Variants in SGCD observed in about 807,000 individuals in gnomAD.
SGCD encodes sarcoglycan delta, also known as delta-sarcoglycan.
SGCD carries 18 observed loss-of-function variants against 36.6 expected under a neutral mutation model. The observed-to-expected ratio is 0.49, with a 90% CI of 0.34 to 0.73. The LOEUF (loss-of-function observed/expected upper bound fraction) is 0.73, where lower values mean the gene tolerates loss of function less well. Among genes scored for constraint, SGCD ranks in the 30% least tolerant of loss-of-function variants. The pLI, the probability that SGCD is intolerant of heterozygous loss-of-function variation, is 0.01. For synonymous variants in SGCD, 133 were observed against 130.6 expected, an observed-to-expected ratio of 1.02 and a Z score of -0.12; for missense variants, 387 against 346.7, an observed-to-expected ratio of 1.12 and a Z score of -0.92.
chr5:156,467,633 A>G (rs1426242354), intron 3 of SGCD, among the ~76,000 whole-genome samples: 2 of 152,244 alleles, frequency 1.3e-5, no homozygotes, highest in African/African-American at 4.8e-5. Flanking sequence ...TTCAATCTCT[A>G]GAAAGCTGCT....
chr5:156,053,029 G>A (rs6874329), intron 1 of SGCD, among the ~76,000 whole-genome samples: 19,254 of 145,916 alleles, frequency 0.13, 3,522 homozygotes, highest in East Asian at 0.46. Flanking sequence ...CAGCAAACAG[G>A]CAACCCCCAA....
chr5:155,821,502 A>C, the SGCD span, among the ~76,000 whole-genome samples: 3 of 152,048 alleles, frequency 2.0e-5, no homozygotes, highest in African/African-American at 4.8e-5. Flanking sequence ...TTTAGTAGAG[A>C]TGGGGTTTCA....
the SGCD span, among the ~76,000 whole-genome samples, chr5:155,768,305 T>TAAAA: frequency 2.7e-5 from 4 of 150,054 alleles, no homozygotes; most frequent in East Asian, 7.9e-4. Context: ...TTTTTTTTCC[T>TAAAA]AAACTATTTT....
At chr5:155,811,588 C>G in the SGCD span, among the ~76,000 whole-genome samples, 1 of 152,174 alleles carries the variant, frequency 6.6e-6, no homozygotes, top group African/African-American at 2.4e-5. Flanking sequence ...TACGTTTATG[C>G]TAGAAAGTTA....
chr5:156,705,147 A>G (rs1242710703), intron 7 of SGCD, among the ~76,000 whole-genome samples: 1 of 152,202 alleles, frequency 6.6e-6, no homozygotes, highest in African/African-American at 2.4e-5. Context: ...GGTATCCTTA[A>G]TATAAAGTAG....
intron 3 of SGCD, among the ~76,000 whole-genome samples, chr5:156,351,828 C>A (rs1769273933): frequency 6.6e-6 from 1 of 152,096 alleles, no homozygotes; most frequent in African/African-American, 2.4e-5. Flanking sequence ...CGAACCCAAG[C>A]AGTCTGACTA....
intron 2 of SGCD, among the ~76,000 whole-genome samples, chr5:156,338,071 G>C (rs150212483): frequency 6.6e-6 from 1 of 152,176 alleles, no homozygotes; most frequent in African/African-American, 2.4e-5. Context: ...CCTTATGGTA[G>C]AGTTGATCAT....
chr5:156,483,313 C>A (rs1755518680), intron 3 of SGCD, among the ~76,000 whole-genome samples: 2 of 152,142 alleles, frequency 1.3e-5, no homozygotes, highest in African/African-American at 2.4e-5. Context: ...TGCTTAGGTG[C>A]ATGTTCAATA....
intron 3 of SGCD, among the ~76,000 whole-genome samples, chr5:156,317,107 G>A (rs1286647263): frequency 6.6e-6 from 1 of 152,064 alleles, no homozygotes; most frequent in African/African-American, 2.4e-5. Context: ...GGTTGGCTTT[G>A]AGTGTAAACA....
chr5:156,703,130 A>C (rs1335225256), intron 7 of SGCD, among the ~76,000 whole-genome samples: 1 of 152,188 alleles, frequency 6.6e-6, no homozygotes, highest in African/African-American at 2.4e-5. Flanking sequence ...CGCCAGTAAT[A>C]AAGTCCCTTG....
chr5:156,585,888 A>C (rs1181495855), intron 4 of SGCD, among the ~76,000 whole-genome samples: 1 of 152,170 alleles, frequency 6.6e-6, no homozygotes, highest in Admixed American at 6.5e-5. Flanking sequence ...ATTTTATCAT[A>C]GTTTTATATG....
chr5:156,399,628 A>G (rs1561670703), intron 3 of SGCD, among the ~76,000 whole-genome samples: 2 of 152,140 alleles, frequency 1.3e-5, no homozygotes, highest in African/African-American at 2.4e-5. Context: ...AAGACAACGA[A>G]GACAAGAGAA....
chr5:156,673,565 A>G (rs1435668857), intron 7 of SGCD, among the ~76,000 whole-genome samples: 1 of 152,124 alleles, frequency 6.6e-6, no homozygotes, highest in Non-Finnish European at 1.5e-5. Flanking sequence ...ATATAACCTG[A>G]CTCGTTAATG....
At chr5:156,341,938 C>G (rs1768677247) in intron 2 of SGCD, among the ~76,000 whole-genome samples, 1 of 152,210 alleles carries the variant, frequency 6.6e-6, no homozygotes, top group Non-Finnish European at 1.5e-5. Context: ...TCTGAAACTC[C>G]TGACCTCAAG....
At chr5:156,094,654 C>G (rs1392824795) in intron 1 of SGCD, among the ~76,000 whole-genome samples, 1 of 152,088 alleles carries the variant, frequency 6.6e-6, no homozygotes, top group East Asian at 1.9e-4. Flanking sequence ...AGCTGTAAGC[C>G]CTTCAGTTGC....
chr5:155,879,583 C>T (rs1267143173), intron 1 of SGCD, among the ~76,000 whole-genome samples: 5 of 151,804 alleles, frequency 3.3e-5, no homozygotes, highest in African/African-American at 1.2e-4. Flanking sequence ...TTCTAAAAAG[C>T]CTAATTGTAT....
chr5:156,018,846 A>G (rs1759040130), intron 1 of SGCD, among the ~76,000 whole-genome samples: 1 of 152,204 alleles, frequency 6.6e-6, no homozygotes, highest in Admixed American at 6.5e-5. Flanking sequence ...TTTCTCAAAT[A>G]GTAACAAATA....
intron 4 of SGCD, among the ~76,000 whole-genome samples, chr5:156,532,563 C>T (rs867005901): frequency 1.3e-5 from 2 of 152,152 alleles, no homozygotes; most frequent in African/African-American, 4.8e-5. Context: ...TAGGTTCATG[C>T]CATTCTCCTG....
rs374692707 is a variant in SGCD, at chr5:156,151,790, G to C, written c.-44+27771G>C. Among the ~76,000 whole-genome samples, 20 of 151,228 alleles carry C rather than the reference G, an allele frequency of 1.3e-4. No homozygotes were observed. In the South Asian group the frequency reaches 2.9e-3, roughly 22 times the overall value. The stretch of plus-strand genomic sequence containing the variant: ...CAAGGATTTTTTTAAGATACAGCTG[G>C]ACCAAAGGTATGTCTACATGTTTAC... On this transcript the variant is annotated intron_variant, in intron 3 of 9. Transcript: ENST00000517913.
Sources: allele counts gnomAD v4.1 joint callset (sites outside exome capture counted in the v4.1 genomes callset), GRCh38; gene constraint gnomAD v4.1.1; transcripts MANE v1.5; gene names NCBI Gene and HGNC (gene_info 2026-07-23, HGNC 2026-07-21).